The following HDAC9 variants were observed in gnomAD, a reference collection of about 807,000 sequenced individuals.
The protein encoded by HDAC9 is MEF-2 interacting transcription repressor (MITR) protein.
In HDAC9, 41 loss-of-function variants were observed where a neutral mutation model predicts 139.4. The ratio of observed to expected loss-of-function variants is 0.29; its 90% CI spans 0.23 to 0.38. The LOEUF (loss-of-function observed/expected upper bound fraction) is 0.38. Among genes scored for constraint, HDAC9 ranks in the 10% least tolerant of loss-of-function variants. The pLI, the probability that HDAC9 is intolerant of heterozygous loss-of-function variation, is 1.00. For missense variants in HDAC9, 1,147 were observed against 1,297.0 expected (o/e 0.88, Z 1.78); for synonymous variants, 517 against 476.2 (o/e 1.09, Z -1.12).
intron 21 of HDAC9, among the ~76,000 whole-genome samples, chr7:18,836,787 G>A (rs1273949801): frequency 2.0e-5 from 3 of 152,000 alleles, no homozygotes; most frequent in Non-Finnish European, 4.4e-5. Flanking sequence ...TTCAACCTGA[G>A]GAGCCTCCCT....
At chr7:18,256,537 T>G (rs1209459676) in intron 2 of HDAC9, among the ~76,000 whole-genome samples, 1 of 152,208 alleles carries the variant, frequency 6.6e-6, no homozygotes, top group East Asian at 1.9e-4. Context: ...CTAGTGTTTC[T>G]GTGGCATTGC....
intron 1 of HDAC9, among the ~76,000 whole-genome samples, chr7:18,475,042 T>C (rs907363754): frequency 1.3e-5 from 2 of 152,230 alleles, no homozygotes; most frequent in Non-Finnish European, 2.9e-5. Flanking sequence ...GGCTGTGGAT[T>C]TACCCTGTGG....
At chr7:18,268,235 T>G (rs972053104) in intron 2 of HDAC9, among the ~76,000 whole-genome samples, 2 of 152,154 alleles carry the variant, frequency 1.3e-5, no homozygotes, top group African/African-American at 4.8e-5. Flanking sequence ...TTTGCAGCTA[T>G]TTTCAAAAAG....
At chr7:18,480,789 G>T (rs924870458) in intron 1 of HDAC9, among the ~76,000 whole-genome samples, 1 of 152,098 alleles carries the variant, frequency 6.6e-6, no homozygotes, top group Non-Finnish European at 1.5e-5. Context: ...CAGAAGAGTA[G>T]AAATACAATA....
At chr7:18,820,208 C>G (rs977832655) in intron 17 of HDAC9, among the ~76,000 whole-genome samples, 10 of 151,962 alleles carry the variant, frequency 6.6e-5, no homozygotes, top group African/African-American at 1.9e-4. Context: ...TTTTGTGAGA[C>G]TAGTAGATTT....
intron 13 of HDAC9, 25 bp from the exon 14 acceptor site, chr7:18,748,980 G>T: frequency 1.2e-6 from 2 of 1,609,168 alleles, no homozygotes; most frequent in Middle Eastern, 1.7e-4. Flanking sequence ...ACTCAATCTT[G>T]TCCTGTATTT....
intron 25 of HDAC9, among the ~76,000 whole-genome samples, chr7:18,989,882 T>G (rs369200001): frequency 2.7e-4 from 40 of 150,790 alleles, no homozygotes; most frequent in Middle Eastern, 3.4e-3. Context: ...ACGTAGTTCT[T>G]GAGCCTTGGT....
At chr7:18,455,184 CTT>C (rs1482533382) in intron 1 of HDAC9, among the ~76,000 whole-genome samples, 1 of 151,848 alleles carries the variant, frequency 6.6e-6, no homozygotes, top group African/African-American at 2.4e-5. Flanking sequence ...CTCTAAGAAA[CTT>C]AATATTCTGT....
intron 2 of HDAC9, among the ~76,000 whole-genome samples, chr7:18,537,187 C>G (rs1435359651): frequency 6.6e-6 from 1 of 152,178 alleles, no homozygotes; most frequent in African/African-American, 2.4e-5. Flanking sequence ...CTAACAAAAA[C>G]TACCAGAAGA....
chr7:18,874,645 CT>C, intron 22 of HDAC9, 49 bp downstream of exon 22: 1 of 1,061,944 alleles, frequency 9.4e-7, no homozygotes, highest in Non-Finnish European at 1.4e-6. Flanking sequence ...ATCATACCAT[CT>C]TTTAGGTCTT....
intron 22 of HDAC9, among the ~76,000 whole-genome samples, chr7:18,931,182 T>C (rs1441478277): frequency 6.6e-6 from 1 of 152,194 alleles, no homozygotes; most frequent in Non-Finnish European, 1.5e-5. Flanking sequence ...TCTAGAATGG[T>C]ACTAATTACT....
At chr7:18,216,048 T>C (rs543995497) in intron 2 of HDAC9, among the ~76,000 whole-genome samples, 20 of 151,884 alleles carry the variant, frequency 1.3e-4, no homozygotes, top group Middle Eastern at 3.4e-3. Context: ...AATACCACAA[T>C]TTTATTTTTA....
chr7:18,248,254 A>G (rs1190309415), intron 2 of HDAC9, among the ~76,000 whole-genome samples: 1 of 152,224 alleles, frequency 6.6e-6, no homozygotes, highest in African/African-American at 2.4e-5. Flanking sequence ...TAAATCACAA[A>G]TAGGGTTCTA....
intron 12 of HDAC9, among the ~76,000 whole-genome samples, chr7:18,685,344 A>G (rs1782194317): frequency 1.3e-5 from 2 of 152,034 alleles, no homozygotes; most frequent in African/African-American, 2.4e-5. Context: ...ATGGAGAAGC[A>G]AAGATCTGAA....
chr7:18,972,146 C>T (rs1459248425), intron 24 of HDAC9, among the ~76,000 whole-genome samples: 1 of 152,100 alleles, frequency 6.6e-6, no homozygotes, highest in Non-Finnish European at 1.5e-5. Context: ...TCTGCCATAG[C>T]AAATTTATTG....
chr7:18,201,937 C>T (rs577365657), intron 2 of HDAC9, among the ~76,000 whole-genome samples: 9 of 152,228 alleles, frequency 5.9e-5, no homozygotes, highest in African/African-American at 1.2e-4. Flanking sequence ...ACCATGGGAA[C>T]GTGCTCAGAA....
intron 21 of HDAC9, among the ~76,000 whole-genome samples, chr7:18,839,619 A>G (rs1373731126): frequency 6.6e-6 from 1 of 152,122 alleles, no homozygotes; most frequent in Non-Finnish European, 1.5e-5. Flanking sequence ...AAGCGAACCT[A>G]GCAAAAGTCT....
chr7:18,779,031 T>C (rs529501674), intron 16 of HDAC9, among the ~76,000 whole-genome samples: 6 of 152,174 alleles, frequency 3.9e-5, no homozygotes, highest in African/African-American at 1.4e-4. Context: ...TATTCATTCA[T>C]CATATCCATG....
At chr7:18,251,617 A>AAT (rs1794922501) in intron 2 of HDAC9, among the ~76,000 whole-genome samples, 1 of 152,196 alleles carries the variant, frequency 6.6e-6, no homozygotes, top group Non-Finnish European at 1.5e-5. Context: ...TGACACTCTA[A>AAT]AAACAAATGA....
Sources: gnomAD v4.1 joint callset for allele counts (sites outside exome capture counted in the v4.1 genomes callset) on GRCh38, gnomAD v4.1.1 for gene constraint, MANE v1.5 for transcripts, NCBI Gene and HGNC (gene_info 2026-07-23, HGNC 2026-07-21) for gene names.